SLC26A7: variants seen among roughly 807,000 people sequenced by gnomAD.
SLC26A7 encodes the protein solute carrier family 26 member 7, also known as anion exchange transporter.
SLC26A7 carries 59 observed loss-of-function variants against 82.5 expected under a neutral mutation model. The ratio of observed to expected loss-of-function variants is 0.72; its 90% CI spans 0.58 to 0.89. The LOEUF (loss-of-function observed/expected upper bound fraction) is 0.89, where lower values mean the gene tolerates loss of function less well. Among genes scored for constraint, SLC26A7 ranks in the 40% least tolerant of loss-of-function variants. The pLI, the probability that SLC26A7 is intolerant of heterozygous loss-of-function variation, is 0.00. For missense variants in SLC26A7, 820 were observed against 793.0 expected (o/e 1.03, Z -0.41); for synonymous variants, 271 against 274.3 (o/e 0.99, Z 0.12).
rs1038893123 is a variant in SLC26A7 at position 91,332,161 on chromosome 8, A to G, written c.643-2134A>G. On this transcript the variant is annotated intron_variant, in intron 5 of 18. Coordinates refer to ENST00000276609, the MANE Select transcript of SLC26A7 (RefSeq NM_052832.4). ...AAATTTTTCATATATATATATATAC[A>G]CACACATATATATATAATATGTTTT... Among the ~76,000 whole-genome samples, 9 of 146,798 alleles carry G rather than the reference A, an allele frequency of 6.1e-5. No individual in the cohort carries two copies. The East Asian group carries it at 1.6e-3, about 26-fold the overall frequency.
chr8:91,251,734 G>A (rs1478329932), intron 2 of SLC26A7, among the ~76,000 whole-genome samples: 4 of 152,070 alleles, frequency 2.6e-5, no homozygotes, highest in African/African-American at 9.6e-5. Context: ...TTCCCTGGAC[G>A]TCATACCTGA....
intron 2 of SLC26A7, among the ~76,000 whole-genome samples, chr8:91,250,070 A>AT (rs1182792448): frequency 1.3e-5 from 2 of 152,084 alleles, no homozygotes; most frequent in Non-Finnish European, 2.9e-5. Context: ...ATGACATTAC[A>AT]TTTTTTCACT....
intron 11 of SLC26A7, 56 bp from the exon 12 acceptor site, chr8:91,362,297 T>C (rs1044322626): frequency 7.7e-7 from 1 of 1,302,660 alleles, no homozygotes; most frequent in African/African-American, 1.5e-5. Flanking sequence ...TTAGCAATAA[T>C]GAGAAGAAGT....
intron 2 of SLC26A7, among the ~76,000 whole-genome samples, chr8:91,257,269 G>A (rs1810830531): frequency 6.6e-6 from 1 of 152,110 alleles, no homozygotes; most frequent in Non-Finnish European, 1.5e-5. Context: ...ATGTAGCAGA[G>A]GTGACACACA....
chr8:91,282,995 T>C (rs1295500850), intron 2 of SLC26A7, among the ~76,000 whole-genome samples: 1 of 152,182 alleles, frequency 6.6e-6, no homozygotes, highest in Non-Finnish European at 1.5e-5. Flanking sequence ...ATCCAGTCAG[T>C]AATTCCCCCT....
Position 91,394,041 on chromosome 8 carries a change from T to A in SLC26A7, c.1935+2T>A. 1.2e-6 allele frequency: 2 copies of A among 1,611,566 alleles called. No homozygotes were observed. Among genetic ancestry groups the A allele is most frequent in the Non-Finnish European group, 1.7e-6 (2 of 1,178,188 alleles). On this transcript the variant is annotated splice_donor_variant, in intron 18 of 18. Coordinates refer to ENST00000276609, the MANE Select transcript of SLC26A7 (RefSeq NM_052832.4). LOFTEE classifies it high-confidence loss of function. ...ATAAGTCATATCCATTCAAATAAGG[T>A]GAGTTGATTAAGTTGGGCTGAAGGA...
Position 91,338,155 on chromosome 8 carries a change from T to A in SLC26A7, c.801T>A (p.Ile267=). ...VVLPVDLVLI[I]AASFACYCTN... ...TTTCAAATGGAACCACACAGATTAT[T>A]GCTGCATCATTTGCTTGTTATTGCA... The change falls in exon 7 of 19, where the codon ATT becomes ATA. Residue 267 remains isoleucine, a synonymous_variant. Coordinates refer to ENST00000276609, the MANE Select transcript of SLC26A7 (RefSeq NM_052832.4). The A allele has an allele frequency of 6.2e-7, 1 of 1,609,204 alleles. No individual in the cohort carries two copies. The highest frequency in any genetic ancestry group is 8.5e-7 in the Non-Finnish European group (1 of 1,178,286).
intron 14 of SLC26A7, among the ~76,000 whole-genome samples, chr8:91,368,318 A>G (rs1370746229): frequency 6.6e-6 from 1 of 152,158 alleles, no homozygotes; most frequent in Non-Finnish European, 1.5e-5. Flanking sequence ...TGCAGCCTAC[A>G]CTTAAGAAGC....
chr8:91,244,360 AT>A (rs1453408804), upstream of SLC26A7, among the ~76,000 whole-genome samples: 1 of 122,406 alleles, frequency 8.2e-6, no homozygotes, highest in Non-Finnish European at 1.8e-5. Flanking sequence ...CTTCTTTCTC[AT>A]TTTCTTCTTC....
At chr8:91,209,711 T>C (rs1218264488) in intron 1 of SLC26A7, among the ~76,000 whole-genome samples, 1 of 152,180 alleles carries the variant, frequency 6.6e-6, no homozygotes, top group Non-Finnish European at 1.5e-5. Flanking sequence ...TGTGATTAGG[T>C]ACTGCTACTT....
intron 4 of SLC26A7, among the ~76,000 whole-genome samples, chr8:91,314,187 G>A (rs537314290): frequency 6.6e-6 from 1 of 152,260 alleles, no homozygotes; most frequent in South Asian, 2.1e-4. Flanking sequence ...GTTATCATCC[G>A]TATTATTGGT....
chr8:91,351,695 T>C, intron 9 of SLC26A7, 115 bp from the exon 10 acceptor site: 1 of 723,280 alleles, frequency 1.4e-6, no homozygotes, highest in Admixed American at 2.3e-5. Flanking sequence ...TGTGTCAACA[T>C]TTTACTTCTT....
At chr8:91,255,398 G>C (rs973665976) in intron 2 of SLC26A7, among the ~76,000 whole-genome samples, 1 of 152,088 alleles carries the variant, frequency 6.6e-6, no homozygotes, top group Non-Finnish European at 1.5e-5. Flanking sequence ...AATTCCTGAG[G>C]CATACTGCAT....
intron 5 of SLC26A7, among the ~76,000 whole-genome samples, chr8:91,319,841 A>G (rs1812741810): frequency 6.6e-6 from 1 of 152,108 alleles, no homozygotes; most frequent in Non-Finnish European, 1.5e-5. Context: ...TACACAAACG[A>G]TCATCTTTCT....
intron 18 of SLC26A7, 122 bp downstream of exon 18, chr8:91,394,161 C>T: frequency 1.2e-6 from 2 of 1,602,886 alleles, no homozygotes; most frequent in South Asian, 1.1e-5. Context: ...GCCCCCCACC[C>T]CACCCCACCT....
chr8:91,350,386 T>A (rs978968486), intron 9 of SLC26A7, among the ~76,000 whole-genome samples: 1 of 151,884 alleles, frequency 6.6e-6, no homozygotes, highest in African/African-American at 2.4e-5. Flanking sequence ...TATGGAGGTA[T>A]AATTTAGATA....
intron 4 of SLC26A7, among the ~76,000 whole-genome samples, chr8:91,309,063 G>A (rs1812403550): frequency 6.6e-6 from 1 of 152,016 alleles, no homozygotes; most frequent in African/African-American, 2.4e-5. Flanking sequence ...GTTATTGCTT[G>A]TAAGCCTTTT....
chr8:91,273,329 G>A (rs1485027239), intron 2 of SLC26A7, among the ~76,000 whole-genome samples: 1 of 152,110 alleles, frequency 6.6e-6, no homozygotes, highest in Non-Finnish European at 1.5e-5. Context: ...TGTGGTCATG[G>A]TATGGGATTG....
At position 91,316,988 on chromosome 8, in the gene SLC26A7, T is replaced by TAA. The variant is rs61581659; in HGVS notation, c.478-1196_478-1195dup. Among the ~76,000 whole-genome samples, 56 of 15,540 alleles carry TAA rather than the reference T, an allele frequency of 3.6e-3. 1 individual carries two copies. The highest frequency in any genetic ancestry group is 7.5e-3 in the South Asian group (1 of 134). 10.2% of individuals were successfully genotyped at this position (15,540 alleles called of 152,430 possible). On this transcript the variant is annotated intron_variant, in intron 4 of 18. Coordinates refer to ENST00000276609, the MANE Select transcript of SLC26A7 (RefSeq NM_052832.4). ...GGGCAACACAGTGAGACCCTGTCTC[T>TAA]AAAAAAAAAAAAAAAAAAAAAAAAA...
Sources: gnomAD v4.1 joint callset for allele counts (sites outside exome capture counted in the v4.1 genomes callset) on GRCh38, gnomAD v4.1.1 for gene constraint, MANE v1.5 for transcripts, NCBI Gene and HGNC (gene_info 2026-07-23, HGNC 2026-07-21) for gene names.